Variants in ARPP21 observed in about 807,000 individuals in gnomAD.
ARPP21 encodes the protein cAMP regulated phosphoprotein 21, also known as cAMP-regulated phosphoprotein 21.
A neutral mutation model predicts 113.2 loss-of-function variants in ARPP21; 69 were observed. The ratio of observed to expected loss-of-function variants is 0.61; its 90% CI spans 0.50 to 0.74. ARPP21 has a LOEUF of 0.74. Among genes scored for constraint, ARPP21 ranks in the 30% least tolerant of loss-of-function variants. ARPP21 has a pLI of 0.00. For synonymous variants in ARPP21, 368 were observed against 375.5 expected (o/e 0.98, Z 0.23); for missense variants, 1,070 against 1,037.4 (o/e 1.03, Z -0.43).
At chr3:35,680,387 C>T (rs578218293) in intron 2 of ARPP21, among the ~76,000 whole-genome samples, 74 of 152,030 alleles carry the variant, frequency 4.9e-4, no homozygotes, top group Admixed American at 1.8e-3. Context: ...AAACTACCAT[C>T]CTTTTGGAAA....
At chr3:35,733,038 C>G (rs912904536) in intron 15 of ARPP21, among the ~76,000 whole-genome samples, 2 of 152,130 alleles carry the variant, frequency 1.3e-5, no homozygotes, top group South Asian at 4.1e-4. Context: ...TTCTCTCACC[C>G]CTTCTCTCTC....
chr3:35,658,201 G>T (rs888268231), intron 1 of ARPP21, among the ~76,000 whole-genome samples: 1 of 152,098 alleles, frequency 6.6e-6, no homozygotes, highest in Non-Finnish European at 1.5e-5. Context: ...ATGGCAGGCA[G>T]TGGAAAAAGC....
intron 3 of ARPP21, chr3:35,682,334 C>A (rs146869495): frequency 6.3e-6 from 1 of 158,690 alleles, no homozygotes; most frequent in African/African-American, 2.4e-5. Context: ...CAAGCTAAAC[C>A]CTAGAATTCC....
intron 9 of ARPP21, among the ~76,000 whole-genome samples, chr3:35,704,891 T>G (rs781422580): frequency 1.4e-4 from 22 of 152,084 alleles, no homozygotes; most frequent in Non-Finnish European, 3.1e-4. Flanking sequence ...TTCTGGTTAG[T>G]GCTTTAATGC....
At chr3:35,793,604 A>G in intron 20 of ARPP21, 97 bp from the exon 21 acceptor site, 1 of 825,394 alleles carries the variant, frequency 1.2e-6, no homozygotes, top group Non-Finnish European at 2.1e-6. Context: ...GTTAGGTCTA[A>G]CTCAAAAGTT....
intron 1 of ARPP21, among the ~76,000 whole-genome samples, chr3:35,675,126 G>C (rs2077155741): frequency 6.8e-6 from 1 of 147,838 alleles, no homozygotes; most frequent in African/African-American, 2.6e-5. Flanking sequence ...CTCCTTTGCA[G>C]CTCTGTGGTT....
chr3:35,682,765 T>TCA, intron 3 of ARPP21, 83 bp from the exon 4 acceptor site: 1 of 1,072,082 alleles, frequency 9.3e-7, no homozygotes, highest in Non-Finnish European at 1.3e-6. Flanking sequence ...TCTCTTTCTT[T>TCA]CTCTCTCTCT....
chr3:35,661,242 A>G (rs9872021), intron 1 of ARPP21, among the ~76,000 whole-genome samples: 3,389 of 152,288 alleles, frequency 0.022, 128 homozygotes, highest in African/African-American at 0.075. Flanking sequence ...AATACAGAAT[A>G]TAATTTAATA....
chr3:35,652,563 C>A (rs1437125487), intron 1 of ARPP21, among the ~76,000 whole-genome samples: 1 of 152,012 alleles, frequency 6.6e-6, no homozygotes, highest in African/African-American at 2.4e-5. Flanking sequence ...TAGGCTTAAG[C>A]AGGGATCAAA....
At chr3:35,714,760 G>A (rs2092091462) in intron 11 of ARPP21, among the ~76,000 whole-genome samples, 1 of 152,018 alleles carries the variant, frequency 6.6e-6, no homozygotes, top group Admixed American at 6.6e-5. Flanking sequence ...AGAAATGAAT[G>A]CTCGGTGAAT....
Position 35,722,285 on chromosome 3 carries a change from G to A in ARPP21, c.1225+451G>A, listed in dbSNP as rs765451598. Among the ~76,000 whole-genome samples the A allele has an allele frequency of 3.9e-5, 6 of 152,036 alleles. No homozygotes were observed. In the East Asian group the frequency reaches 9.6e-4, roughly 24 times the overall value. The stretch of plus-strand genomic sequence containing the variant: ...AATATGAATTATTCCTTAAAAACAC[G>A]CCGTAGGATAATTATAATATTAATA... On this transcript the variant is annotated intron_variant, in intron 14 of 20. Coordinates refer to ENST00000684406, the MANE Select transcript of ARPP21 (RefSeq NM_001385562.1).
intron 19 of ARPP21, among the ~76,000 whole-genome samples, chr3:35,754,191 C>A (rs959397146): frequency 1.3e-5 from 2 of 151,682 alleles, no homozygotes; most frequent in African/African-American, 4.8e-5. Context: ...GTTGATGATT[C>A]TTTAAAAAGA....
chr3:35,702,631 G>A (rs2086858499), intron 9 of ARPP21, among the ~76,000 whole-genome samples: 1 of 151,704 alleles, frequency 6.6e-6, no homozygotes, highest in African/African-American at 2.4e-5. Flanking sequence ...AAACAGAGAA[G>A]AATAAAATGA....
At chr3:35,690,294 A>G (rs1359756150) in intron 8 of ARPP21, among the ~76,000 whole-genome samples, 154 bp downstream of exon 8, 3 of 151,520 alleles carry the variant, frequency 2.0e-5, no homozygotes, top group Admixed American at 6.6e-5. Context: ...AGTTAGGACT[A>G]TACGCTGATG....
At chr3:35,659,214 G>A (rs7648936) in intron 1 of ARPP21, among the ~76,000 whole-genome samples, 2,350 of 152,116 alleles carry the variant, frequency 0.015, 56 homozygotes, top group African/African-American at 0.053. Context: ...TTAACATTAC[G>A]TCCCAGCACA....
At chr3:35,642,060 C>T (rs1031753531) in intron 1 of ARPP21, 6 of 152,280 alleles carry the variant, frequency 3.9e-5, no homozygotes, top group South Asian at 4.1e-4. Context: ...TTTAAATAAA[C>T]TTATACAGCT....
chr3:35,672,700 T>C (rs2149342228), intron 1 of ARPP21, among the ~76,000 whole-genome samples: 1 of 152,196 alleles, frequency 6.6e-6, no homozygotes, highest in South Asian at 2.1e-4. Flanking sequence ...AGAATCTTTT[T>C]TACTACTTGG....
chr3:35,648,906 C>T (rs1273393606), intron 1 of ARPP21, among the ~76,000 whole-genome samples: 3 of 152,054 alleles, frequency 2.0e-5, no homozygotes, highest in African/African-American at 7.2e-5. Context: ...CTTTGCTATC[C>T]AAATATTTGT....
rs1412800351 is a variant in ARPP21 at position 35,729,467 on chromosome 3, T to C, written c.1390T>C (p.Tyr464His). The change falls in exon 15 of 21, where the codon TAC (tyrosine) becomes CAC (histidine). Residue 464 changes from tyrosine to histidine, a missense_variant. By Grantham distance (83) the Tyr-to-His change is moderately conservative. Coordinates refer to ENST00000684406, the MANE Select transcript of ARPP21 (RefSeq NM_001385562.1). ...CCAGGTTGCTCCCAGCAGCACCAGC[T>C]ACATCCTCCTTCCACTTGAAGCTGC... is the stretch of plus-strand genomic sequence containing the variant. ...GGQVAPSSTS[Y>H]ILLPLEAATG... 1 of 1,614,228 alleles carries C rather than the reference T, an allele frequency of 6.2e-7. No individual in the cohort carries two copies. Among genetic ancestry groups the C allele is most frequent in the Admixed American group, 1.7e-5 (1 of 60,032 alleles).
Sources: allele counts gnomAD v4.1 joint callset (sites outside exome capture counted in the v4.1 genomes callset), GRCh38; gene constraint gnomAD v4.1.1; transcripts MANE v1.5; gene names NCBI Gene and HGNC (gene_info 2026-07-23, HGNC 2026-07-21).